Variants in PTPRJ observed in about 807,000 individuals in gnomAD.
PTPRJ encodes protein tyrosine phosphatase receptor type J.
A neutral mutation model predicts 141.3 loss-of-function variants in PTPRJ; 129 were observed. That is an observed-to-expected ratio of 0.91 (90% CI 0.79 to 1.06). The LOEUF (loss-of-function observed/expected upper bound fraction) is 1.06, where lower values mean the gene tolerates loss of function less well. Ranked by LOEUF, PTPRJ falls within the 50% of genes least tolerant of loss-of-function variation. The pLI is 0.00. For synonymous variants in PTPRJ, 610 were observed against 640.5 expected (o/e 0.95, Z 0.72); for missense variants, 1,601 against 1,679.7 (o/e 0.95, Z 0.82).
rs1286483283 is a variant in PTPRJ at position 47,980,855 on chromosome 11, C to G, written c.-58C>G. 6 of 1,078,396 alleles carry G rather than the reference C, an allele frequency of 5.6e-6. No individual in the cohort carries two copies. In the South Asian group the frequency reaches 1.8e-4, roughly 31 times the overall value. 66.8% of individuals were successfully genotyped at this position (1,078,396 alleles called of 1,614,324 possible). A position where few individuals can be genotyped will look rare whatever the true frequency, so the allele number is the denominator to read the frequency against. Reference sequence around the variant, plus strand: ...AGGCGGCGACGACGGTGCCCGGGCTCGGGCGCACGGCGGGGCCCGATTCGC... The same window carrying G: ...AGGCGGCGACGACGGTGCCCGGGCTGGGGCGCACGGCGGGGCCCGATTCGC... On this transcript the variant is annotated 5_prime_UTR_variant, in exon 1 of 25. Coordinates refer to ENST00000418331, the MANE Select transcript of PTPRJ (RefSeq NM_002843.4).
chr11:48,094,817 T>C (rs548673295), intron 1 of PTPRJ, among the ~76,000 whole-genome samples: 1 of 152,130 alleles, frequency 6.6e-6, no homozygotes, highest in Non-Finnish European at 1.5e-5. Flanking sequence ...AACTTCAGGG[T>C]AGCAAGAGGA....
intron 1 of PTPRJ, among the ~76,000 whole-genome samples, chr11:48,052,053 G>A (rs1242082783): frequency 1.3e-5 from 2 of 152,222 alleles, no homozygotes; most frequent in African/African-American, 4.8e-5. Flanking sequence ...CAGTATGAAG[G>A]TGAAGTGTCT....
chr11:48,128,167 A>G, intron 7 of PTPRJ, 124 bp downstream of exon 7: 1 of 1,265,646 alleles, frequency 7.9e-7, no homozygotes, highest in Non-Finnish European at 1.1e-6. Context: ...TTCGTGTGAC[A>G]TGCTTTCCTT....
rs1169480642 is a variant in PTPRJ at position 48,146,900 on chromosome 11, G to T, written c.2936G>T (p.Gly979Val). Residue 979 changes from glycine to valine, a missense_variant, in exon 15 of 25, where the codon GGC (glycine) becomes GTC (valine). Transcript: ENST00000418331. ...DPGVICGAVF[G>V]CIFGALVIVT... The stretch of plus-strand genomic sequence containing the variant: ...GGTGTCATCTGTGGAGCGGTTTTTG[G>T]CTGTATCTTTGGTGCCCTGGTTATT... 1.2e-6 allele frequency: 2 copies of T among 1,613,976 alleles called. No homozygotes were observed. Among genetic ancestry groups the T allele is most frequent in the Non-Finnish European group, 1.7e-6 (2 of 1,180,012 alleles).
intron 18 of PTPRJ, among the ~76,000 whole-genome samples, chr11:48,152,475 T>A (rs1422886600): frequency 6.6e-6 from 1 of 152,128 alleles, no homozygotes; most frequent in Non-Finnish European, 1.5e-5. Context: ...GTCAATTTTG[T>A]CTTTTGTTGC....
In PTPRJ at chr11:48,125,084, C is replaced by T; in HGVS notation, c.991C>T (p.Leu331=). 6.2e-7 allele frequency: 1 copy of T among 1,614,080 alleles called. No individual in the cohort carries two copies. Among genetic ancestry groups the T allele is most frequent in the African/African-American group, 1.3e-5 (1 of 75,016 alleles). The change falls in exon 6 of 25, where the codon CTG becomes TTG. Residue 331 remains leucine (L), a synonymous_variant. Transcript: ENST00000418331. ...SGQQSRDTEV[L]LVGLEPGTRY... ...CCAGCAGTCCCGAGACACGGAAGTC[C>T]TGCTTGTCGGGTTAGAGCCTGGCAC...
chr11:48,052,082 GTT>G (rs1224141455), intron 1 of PTPRJ, among the ~76,000 whole-genome samples: 1 of 152,198 alleles, frequency 6.6e-6, no homozygotes, highest in Non-Finnish European at 1.5e-5. Flanking sequence ...TGAGGGCAGA[GTT>G]TTGTCTTCTT....
At chr11:48,012,362 A>T (rs1590402934) in intron 1 of PTPRJ, among the ~76,000 whole-genome samples, 1 of 151,870 alleles carries the variant, frequency 6.6e-6, no homozygotes, top group African/African-American at 2.4e-5. Flanking sequence ...TATTCCAGTC[A>T]CCCAAAGTGC....
At chr11:48,006,268 T>A (rs983336284) in intron 1 of PTPRJ, among the ~76,000 whole-genome samples, 4 of 150,958 alleles carry the variant, frequency 2.6e-5, no homozygotes, top group Admixed American at 2.6e-4. Flanking sequence ...CTCTCAAGGG[T>A]GATTCGGGAG....
At chr11:48,082,576 T>G (rs1855591199) in intron 1 of PTPRJ, among the ~76,000 whole-genome samples, 1 of 151,008 alleles carries the variant, frequency 6.6e-6, no homozygotes, top group South Asian at 2.1e-4. Flanking sequence ...ATTTTTTTTT[T>G]GTAGAGACAG....
chr11:48,130,822 G>A, intron 8 of PTPRJ, 106 bp downstream of exon 8: 1 of 1,260,774 alleles, frequency 7.9e-7, no homozygotes, highest in Non-Finnish European at 1.0e-6. Flanking sequence ...AATTATCTAA[G>A]AAAAAACTTT....
chr11:48,046,584 T>G (rs1044492483), intron 1 of PTPRJ, among the ~76,000 whole-genome samples: 1 of 152,116 alleles, frequency 6.6e-6, no homozygotes, highest in Non-Finnish European at 1.5e-5. Flanking sequence ...GGGATAAAGA[T>G]CCCTTATTAT....
chr11:48,097,217 G>C (rs1481802191), intron 1 of PTPRJ, among the ~76,000 whole-genome samples: 1 of 152,152 alleles, frequency 6.6e-6, no homozygotes, highest in Non-Finnish European at 1.5e-5. Flanking sequence ...CCTCATAGAA[G>C]GATAAGCAGG....
chr11:48,124,897 G>A, intron 5 of PTPRJ, 71 bp from the exon 6 acceptor site: 1 of 1,464,696 alleles, frequency 6.8e-7, no homozygotes, highest in Non-Finnish European at 9.5e-7. Flanking sequence ...ATGGGGTTGG[G>A]GCTCCGAAGG....
At chr11:47,993,520 C>T (rs979168716) in intron 1 of PTPRJ, among the ~76,000 whole-genome samples, 2 of 151,716 alleles carry the variant, frequency 1.3e-5, no homozygotes, top group Non-Finnish European at 2.9e-5. Context: ...GTTGAACTCC[C>T]GACCTCAAGT....
At chr11:48,028,163 G>C (rs1239608703) in intron 1 of PTPRJ, among the ~76,000 whole-genome samples, 1 of 152,190 alleles carries the variant, frequency 6.6e-6, no homozygotes, top group Non-Finnish European at 1.5e-5. Flanking sequence ...TTGTTGTTCT[G>C]TTTTGTGCTT....
At chr11:47,990,683 ATTTTTTTT>A (rs58395455) in intron 1 of PTPRJ, among the ~76,000 whole-genome samples, 4 of 127,760 alleles carry the variant, frequency 3.1e-5, no homozygotes, top group African/African-American at 1.2e-4. Context: ...AAGTGTTGGG[ATTTTTTTT>A]TTTTTTTTTT....
At chr11:48,132,041 A>G (rs1856993939) in intron 8 of PTPRJ, 2 of 600,556 alleles carry the variant, frequency 3.3e-6, no homozygotes, top group Non-Finnish European at 4.2e-6. Flanking sequence ...TAACCTATGT[A>G]AATACAAATT....
intron 1 of PTPRJ, among the ~76,000 whole-genome samples, chr11:48,006,577 A>C (rs1854629520): frequency 7.5e-6 from 1 of 134,104 alleles, no homozygotes; most frequent in African/African-American, 4.0e-5. Context: ...TTGTTTCTGC[A>C]AAGAGTCTGG....
Sources: gnomAD v4.1 joint callset for allele counts (sites outside exome capture counted in the v4.1 genomes callset) on GRCh38, gnomAD v4.1.1 for gene constraint, MANE v1.5 for transcripts, NCBI Gene and HGNC (gene_info 2026-07-23, HGNC 2026-07-21) for gene names.